Variants in RRBP1 observed in about 807,000 individuals in gnomAD.
The protein encoded by RRBP1 is ribosome-binding protein 1.
Under a neutral mutation model 165.2 loss-of-function variants are expected in RRBP1, and 94 were observed. The ratio of observed to expected loss-of-function variants is 0.57; its 90% CI spans 0.48 to 0.68. The LOEUF (loss-of-function observed/expected upper bound fraction) is 0.68, where lower values mean the gene tolerates loss of function less well. RRBP1 is among the 30% of genes least tolerant of loss of function. The pLI is 0.00. For synonymous variants in RRBP1, 680 were observed against 714.5 expected, an observed-to-expected ratio of 0.95 and a Z score of 0.77; for missense variants, 1,676 against 1,763.0, an observed-to-expected ratio of 0.95 and a Z score of 0.88.
Position 17,614,706 on chromosome 20 carries a change from C to T in RRBP1, c.4194+31G>A, listed in dbSNP as rs370042728. On this transcript the variant is annotated intron_variant, in intron 24 of 24. Coordinates refer to ENST00000377813, the MANE Select transcript of RRBP1 (RefSeq NM_001365613.2). ...CCCGGGGCTCCCGGCAGCTCGACTC[C>T]TCCCGCCCTGCTTTGGCGCCAGGCA... 4.4e-6 allele frequency: 7 copies of T among 1,607,130 alleles called. No homozygotes were observed. The African/African-American group carries it at 9.3e-5, about 21-fold the overall frequency.
chr20:17,663,603 A>C (rs147416616), intron 2 of RRBP1, among the ~76,000 whole-genome samples: 7 of 152,374 alleles, frequency 4.6e-5, no homozygotes, highest in Non-Finnish European at 8.8e-5. Flanking sequence ...CACCACGGAC[A>C]GCAAAGAAAT....
intron 2 of RRBP1, among the ~76,000 whole-genome samples, chr20:17,662,258 G>A (rs188138283): frequency 1.1e-4 from 17 of 148,966 alleles, no homozygotes; most frequent in African/African-American, 3.7e-4. Flanking sequence ...GCGAGACTCC[G>A]TCTCAAAAAA....
intron 2 of RRBP1, among the ~76,000 whole-genome samples, chr20:17,663,267 T>C (rs1474029026): frequency 6.6e-6 from 1 of 152,196 alleles, no homozygotes; most frequent in Non-Finnish European, 1.5e-5. Flanking sequence ...GTTTCCAACT[T>C]CTAAACTCCA....
intron 5 of RRBP1, among the ~76,000 whole-genome samples, chr20:17,638,455 A>C (rs1201851427): frequency 6.6e-6 from 1 of 151,912 alleles, no homozygotes; most frequent in African/African-American, 2.4e-5. Flanking sequence ...TCCAAGGTCC[A>C]CCCCGCTCAG....
At position 17,621,554 on chromosome 20, in the gene RRBP1, G is replaced by C; in HGVS notation, c.3325-7C>G. Reference sequence around the variant, plus strand: ...TCAACTTGGAGGCCAGGTCCTGAGAGAGGGAAGAACAGGTGTTTAGTTAGC... The same window carrying C: ...TCAACTTGGAGGCCAGGTCCTGAGACAGGGAAGAACAGGTGTTTAGTTAGC... On this transcript the variant is annotated splice_region_variant and splice_polypyrimidine_tract_variant and intron_variant, in intron 15 of 24. Transcript: ENST00000377813. The C allele has an allele frequency of 6.2e-7, 1 of 1,611,128 alleles. No homozygotes were observed. Among genetic ancestry groups the C allele is most frequent in the Non-Finnish European group, 8.5e-7 (1 of 1,178,556 alleles).
At chr20:17,650,240 C>A (rs1253938396) in intron 3 of RRBP1, among the ~76,000 whole-genome samples, 2 of 152,158 alleles carry the variant, frequency 1.3e-5, no homozygotes, top group Non-Finnish European at 2.9e-5. Context: ...CATAATCCTA[C>A]CTCCCAAAGG....
At chr20:17,673,112 A>T (rs1008606924) in intron 2 of RRBP1, among the ~76,000 whole-genome samples, 7 of 152,190 alleles carry the variant, frequency 4.6e-5, no homozygotes, top group African/African-American at 1.7e-4. Context: ...ATTTTTCTGT[A>T]TATATTTTAC....
rs769421638 is a variant in RRBP1, at chr20:17,660,209, A to G, written c.299T>C (p.Val100Ala). The G allele has an allele frequency of 9.9e-6, 16 of 1,613,844 alleles. No homozygotes were observed. The highest frequency in any genetic ancestry group is 1.7e-4 in the Middle Eastern group (1 of 6,060). The change falls in exon 3 of 25, where the codon GTG (valine) becomes GCG (alanine). Residue 100 changes from valine to alanine, a missense_variant. Transcript: ENST00000377813. ...PNVTVLLREP[V>A]RAPAVAVAPT... ...AGCCACAGCCACAGCAGGAGCCCGC[A>G]CTGGTTCTCGAAGGAGGACAGTCAC...
Position 17,621,453 on chromosome 20 carries a change from C to T in RRBP1, c.3414+5G>A, listed in dbSNP as rs770187450. The T allele has an allele frequency of 1.9e-6, 3 of 1,609,680 alleles. No individual in the cohort carries two copies. Among genetic ancestry groups the T allele is most frequent in the South Asian group, 1.1e-5 (1 of 90,966 alleles). On this transcript the variant is annotated splice_donor_5th_base_variant and intron_variant, in intron 16 of 24. Transcript: ENST00000377813. ...ATGCCCAGCTGACAGGTTCCCAATG[C>T]TCACCGTCTCCGCCAGGATGCTGCG...
Position 17,627,790 on chromosome 20 carries a change from C to T in RRBP1, c.2750-108G>A, listed in dbSNP as rs2036058961. On this transcript the variant is annotated intron_variant, in intron 9 of 24. Transcript: ENST00000377813. ...AGCACATGTGGGGCACCGAGGGCTT[C>T]CTCCTGCCTCCTCTGTGTGTCTGGG... 13 of 1,010,032 alleles carry T rather than the reference C, an allele frequency of 1.3e-5. No individual in the cohort carries two copies. The South Asian group carries it at 2.4e-4, about 18-fold the overall frequency. 62.6% of individuals were successfully genotyped at this position (1,010,032 alleles called of 1,614,324 possible).
In RRBP1 at chr20:17,614,080, T is replaced by C; in HGVS notation, c.*102A>G. The C allele has an allele frequency of 8.6e-7, 1 of 1,166,530 alleles. No individual in the cohort carries two copies. Among genetic ancestry groups the C allele is most frequent in the Non-Finnish European group, 1.3e-6 (1 of 777,908 alleles). The allele number at this position is 1,166,530 out of a possible 1,614,324, so 72.3% of individuals were successfully genotyped here. On this transcript the variant is annotated 3_prime_UTR_variant, in exon 25 of 25. Coordinates refer to ENST00000377813, the MANE Select transcript of RRBP1 (RefSeq NM_001365613.2). ...TGGCTTCTCTCGGAGCTACCGGAAG[T>C]TGGGCCTGGATAACGCTGTGTAGGT...
chr20:17,668,457 GGCCT>G (rs1202917711), intron 2 of RRBP1, among the ~76,000 whole-genome samples: 1 of 152,144 alleles, frequency 6.6e-6, no homozygotes, highest in Non-Finnish European at 1.5e-5. Flanking sequence ...CTGAGTTGTG[GGCCT>G]GCCTCTAATG....
At chr20:17,655,227 TCTCA>T (rs1313032490) in intron 3 of RRBP1, among the ~76,000 whole-genome samples, 6 of 152,178 alleles carry the variant, frequency 3.9e-5, no homozygotes, top group Non-Finnish European at 8.8e-5. Flanking sequence ...AGAAACCAGG[TCTCA>T]CTATGTTGCC....
At chr20:17,679,095 G>C (rs538427044) in intron 2 of RRBP1, among the ~76,000 whole-genome samples, 83 of 152,298 alleles carry the variant, frequency 5.4e-4, no homozygotes, top group Admixed American at 1.2e-3. Flanking sequence ...ACAGGAACTG[G>C]CCTGACAACC....
chr20:17,678,722 C>T (rs2037126156), intron 2 of RRBP1, among the ~76,000 whole-genome samples: 1 of 152,176 alleles, frequency 6.6e-6, no homozygotes, highest in South Asian at 2.1e-4. Flanking sequence ...TAATTTGACT[C>T]AGAAATTGAA....
chr20:17,662,967 G>C (rs1162582274), intron 2 of RRBP1, among the ~76,000 whole-genome samples: 1 of 152,040 alleles, frequency 6.6e-6, no homozygotes, highest in Non-Finnish European at 1.5e-5. Context: ...CTTGAGCTCT[G>C]GAGTTCAAGG....
rs762369077 is a variant in RRBP1 at position 17,621,467 on chromosome 20, C to A, written c.3405G>T (p.Leu1135=). The A allele has an allele frequency of 6.2e-7, 1 of 1,612,052 alleles. No homozygotes were observed. Among genetic ancestry groups the A allele is most frequent in the Admixed American group, 1.7e-5 (1 of 60,012 alleles). ...QAECDQYRSI[L]AETEGMLRDL... ...GGTTCCCAATGCTCACCGTCTCCGCCAGGATGCTGCGGTACTGGTCACACT... is the reference window on the plus strand; with the variant it reads ...GGTTCCCAATGCTCACCGTCTCCGCAAGGATGCTGCGGTACTGGTCACACT... Residue 1135 remains leucine (L), a synonymous_variant, in exon 16 of 25, where the codon CTG becomes CTT. Coordinates refer to ENST00000377813, the MANE Select transcript of RRBP1 (RefSeq NM_001365613.2).
At chr20:17,660,849 A>G (rs888873195) in intron 2 of RRBP1, among the ~76,000 whole-genome samples, 1 of 152,132 alleles carries the variant, frequency 6.6e-6, no homozygotes, top group Non-Finnish European at 1.5e-5. Context: ...TCCCCACCCA[A>G]GGTCAAAGAT....
At chr20:17,678,424 G>A (rs2037121654) in intron 2 of RRBP1, among the ~76,000 whole-genome samples, 1 of 152,162 alleles carries the variant, frequency 6.6e-6, no homozygotes, top group South Asian at 2.1e-4. Context: ...CCTTTTTCTT[G>A]GAATGCAGTT....
Sources: allele counts gnomAD v4.1 joint callset (sites outside exome capture counted in the v4.1 genomes callset), GRCh38; gene constraint gnomAD v4.1.1; transcripts MANE v1.5; gene names NCBI Gene and HGNC (gene_info 2026-07-23, HGNC 2026-07-21).